The following TENM3 variants were observed in gnomAD, a reference collection of about 807,000 sequenced individuals.
The protein encoded by TENM3 is teneurin transmembrane protein 3, also known as teneurin-3.
TENM3 carries 63 observed loss-of-function variants against 255.1 expected under a neutral mutation model. That is an observed-to-expected ratio of 0.25 (90% CI 0.20 to 0.30). TENM3 has a LOEUF of 0.30. TENM3 is among the 10% of genes least tolerant of loss of function. TENM3 has a pLI of 1.00. For missense variants in TENM3, 2,929 were observed against 3,461.1 expected, an observed-to-expected ratio of 0.85 and a Z score of 3.86; for synonymous variants, 1,306 against 1,322.3, an observed-to-expected ratio of 0.99 and a Z score of 0.27.
At chr4:181,742,886 CT>C in the TENM3 span, among the ~76,000 whole-genome samples, 2 of 142,480 alleles carry the variant, frequency 1.4e-5, no homozygotes, top group Non-Finnish European at 3.0e-5. Flanking sequence ...TCCATGTGTT[CT>C]CATTGTTCAA....
chr4:181,577,093 A>G, the TENM3 span, among the ~76,000 whole-genome samples: 20 of 115,488 alleles, frequency 1.7e-4, no homozygotes, highest in African/African-American at 7.7e-4. Context: ...AATATATAAT[A>G]TATATTTTAT....
At chr4:181,765,905 A>C in the TENM3 span, among the ~76,000 whole-genome samples, 1 of 152,230 alleles carries the variant, frequency 6.6e-6, no homozygotes, top group Non-Finnish European at 1.5e-5. Flanking sequence ...ACATATCTGC[A>C]TTAGAGTTTT....
At chr4:181,908,218 T>C in the TENM3 span, among the ~76,000 whole-genome samples, 154 of 152,332 alleles carry the variant, frequency 1.0e-3, no homozygotes, top group African/African-American at 3.6e-3. Flanking sequence ...AATGTGCCCA[T>C]ATATTTTAAA....
intron 12 of TENM3, among the ~76,000 whole-genome samples, chr4:182,693,264 C>T (rs1327125720): frequency 6.6e-6 from 1 of 151,912 alleles, no homozygotes; most frequent in African/African-American, 2.4e-5. Context: ...AAGGTATGGG[C>T]TTTGACATTT....
At chr4:182,486,638 A>G (rs1008380738) in intron 3 of TENM3, among the ~76,000 whole-genome samples, 1 of 152,186 alleles carries the variant, frequency 6.6e-6, no homozygotes, top group African/African-American at 2.4e-5. Flanking sequence ...CACAAAAGCC[A>G]CAGAAAAATG....
the TENM3 span, among the ~76,000 whole-genome samples, chr4:181,859,911 C>T: frequency 6.6e-6 from 1 of 151,770 alleles, no homozygotes; most frequent in Non-Finnish European, 1.5e-5. Context: ...TTTTTTTCCT[C>T]AGACTTTCTT....
At chr4:181,552,851 C>T in the TENM3 span, among the ~76,000 whole-genome samples, 2 of 152,294 alleles carry the variant, frequency 1.3e-5, no homozygotes, top group Admixed American at 6.5e-5. Flanking sequence ...CCAAAACTGG[C>T]TTATTTACAA....
chr4:182,226,750 C>A (rs1756183667), intron 1 of TENM3, among the ~76,000 whole-genome samples: 1 of 152,154 alleles, frequency 6.6e-6, no homozygotes. Context: ...CATGCAATAG[C>A]ATAAGTTCAC....
chr4:182,633,537 C>T (rs1047742609), intron 5 of TENM3, among the ~76,000 whole-genome samples: 50 of 152,216 alleles, frequency 3.3e-4, no homozygotes, highest in African/African-American at 7.0e-4. Flanking sequence ...GTTCACCTCA[C>T]GCCAATGGCT....
In TENM3 at chr4:182,623,615, C is replaced by T. The variant is rs183794253; in HGVS notation, c.750-5036C>T. 3.3e-3 allele frequency among the ~76,000 whole-genome samples: 500 copies of T among 152,246 alleles called. 3 individuals carry two copies. The highest frequency in any genetic ancestry group is 0.011 in the African/African-American group (469 of 41,522). ...AAAGTGCTGGGATTACAGGTGTGAG[C>T]CACCGCACCCGGCCTGTTTTATTTT... On this transcript the variant is annotated intron_variant, in intron 4 of 27. Coordinates refer to ENST00000511685, the MANE Select transcript of TENM3 (RefSeq NM_001080477.4).
At chr4:181,878,861 ATCTATCTATCTACCTC>A in the TENM3 span, among the ~76,000 whole-genome samples, 1 of 152,114 alleles carries the variant, frequency 6.6e-6, no homozygotes. Flanking sequence ...CTTTCTGTCT[ATCTATCTATCTACCTC>A]TCTATCTATC....
chr4:181,771,695 G>A, the TENM3 span, among the ~76,000 whole-genome samples: 5 of 152,118 alleles, frequency 3.3e-5, no homozygotes, highest in East Asian at 1.9e-4. Flanking sequence ...CAAATCAACC[G>A]GCTGTGTTTT....
intron 3 of TENM3, among the ~76,000 whole-genome samples, chr4:182,496,036 C>A (rs1162990194): frequency 6.6e-6 from 1 of 152,172 alleles, no homozygotes; most frequent in Non-Finnish European, 1.5e-5. Flanking sequence ...GTAATGAGAT[C>A]TGTAATGAGG....
In TENM3 at chr4:182,381,308, TTA is replaced by T. The variant is rs1391101497; in HGVS notation, c.511+34383_511+34384del. 3.9e-5 allele frequency among the ~76,000 whole-genome samples: 6 copies of T among 152,124 alleles called. No individual in the cohort carries two copies. The East Asian group carries it at 1.2e-3, about 29-fold the overall frequency. Reference sequence around the variant, plus strand: ...CTAGCTCCCTGACCACTCCAGTTAGTTATATCTCTGTCAACATGTAAGGAGGA... The same window carrying T: ...CTAGCTCCCTGACCACTCCAGTTAGTTATCTCTGTCAACATGTAAGGAGGA... On this transcript the variant is annotated intron_variant, in intron 3 of 27. Coordinates refer to ENST00000511685, the MANE Select transcript of TENM3 (RefSeq NM_001080477.4).
At chr4:182,740,426 G>A (rs1490332570) in intron 18 of TENM3, among the ~76,000 whole-genome samples, 4 of 152,226 alleles carry the variant, frequency 2.6e-5, no homozygotes, top group South Asian at 2.1e-4. Flanking sequence ...GAAGCCATAT[G>A]GCAAACATGC....
intron 3 of TENM3, among the ~76,000 whole-genome samples, chr4:182,406,951 A>G (rs187164462): frequency 8.5e-5 from 13 of 152,328 alleles, no homozygotes; most frequent in African/African-American, 2.4e-4. Context: ...ACGAACTTCA[A>G]TGTAAGGCGG....
chr4:182,384,311 G>GTTTTTTTTTTTTTTT (rs10638816), intron 3 of TENM3, among the ~76,000 whole-genome samples: 1 of 147,862 alleles, frequency 6.8e-6, no homozygotes, highest in Admixed American at 6.7e-5. Context: ...CTGTGGTTCA[G>GTTTTTTTTTTTTTTT]TTTTTTTTTT....
At chr4:181,995,873 A>G in the TENM3 span, among the ~76,000 whole-genome samples, 1 of 152,106 alleles carries the variant, frequency 6.6e-6, no homozygotes. Flanking sequence ...AAGATTTATA[A>G]GAGAAAGCTG....
intron 18 of TENM3, among the ~76,000 whole-genome samples, chr4:182,739,895 G>A (rs1051802229): frequency 6.6e-6 from 1 of 152,130 alleles, no homozygotes; most frequent in Non-Finnish European, 1.5e-5. Context: ...AATTAGCCAT[G>A]TGTGGTGATA....
Sources: gnomAD v4.1 joint callset for allele counts (sites outside exome capture counted in the v4.1 genomes callset) on GRCh38, gnomAD v4.1.1 for gene constraint, MANE v1.5 for transcripts, NCBI Gene and HGNC (gene_info 2026-07-23, HGNC 2026-07-21) for gene names.